The following LIFR variants were observed in gnomAD, a reference collection of about 807,000 sequenced individuals.
LIFR encodes the protein LIF receptor subunit alpha.
LIFR carries 84 observed loss-of-function variants against 122.2 expected under a neutral mutation model. That is an observed-to-expected ratio of 0.69 (90% CI 0.58 to 0.82). The LOEUF is 0.82. Among genes scored for constraint, LIFR ranks in the 40% least tolerant of loss-of-function variants. The probability of loss-of-function intolerance (pLI) is 0.00; values close to 1 mark genes in which losing one functional copy is unlikely to be tolerated. For missense variants in LIFR, 1,294 were observed against 1,311.6 expected (o/e 0.99, Z 0.21); for synonymous variants, 422 against 434.7 (o/e 0.97, Z 0.36).
At position 38,578,425 on chromosome 5, in the gene LIFR, C is replaced by T. The variant is rs151206713; in HGVS notation, c.-20+16836G>A. 9.9e-3 allele frequency among the ~76,000 whole-genome samples: 1,502 copies of T among 151,218 alleles called. 107 individuals carry two copies. In the East Asian group the frequency reaches 0.19, roughly 20 times the overall value. ...TTCTCCATGTTGGTCAGGCTGGTCT[C>T]GAACTCCCAACTTCAGGTGACCCGC... On this transcript the variant is annotated intron_variant, in intron 1 of 19. Transcript: ENST00000263409.
Position 38,536,590 on chromosome 5 carries a change from T to A in LIFR, c.-19-5924A>T, listed in dbSNP as rs145493570. Among the ~76,000 whole-genome samples the A allele has an allele frequency of 4.3e-3, 662 of 152,376 alleles. 4 individuals carry two copies. Among genetic ancestry groups the A allele is most frequent in the Non-Finnish European group, 7.5e-3 (508 of 68,042 alleles). ...AATTATATTTTTCCTTTTAAGTGGA[T>A]ACACGTTATTTCTTCAAACTGCTAC... On this transcript the variant is annotated intron_variant, in intron 1 of 19. Coordinates refer to ENST00000453190, the MANE Select transcript of LIFR (RefSeq NM_001127671.2).
At chr5:38,495,869 G>A (rs1236457515) in intron 13 of LIFR, among the ~76,000 whole-genome samples, 1 of 152,036 alleles carries the variant, frequency 6.6e-6, no homozygotes, top group East Asian at 1.9e-4. Flanking sequence ...TTTTTCTAAG[G>A]CCTATATTGA....
rs1287071072 is a variant in LIFR at position 38,489,131 on chromosome 5, A to G, written c.2282T>C (p.Phe761Ser). The change falls in exon 16 of 20, where the codon TTT (phenylalanine) becomes TCT (serine). Residue 761 changes from phenylalanine to serine, a missense_variant. Phe to Ser is a radical substitution (Grantham distance 155). Transcript: ENST00000453190. ...ELRGFLRGYL[F>S]YFGKGERDTS... ...GTCTCTTTCTCCTTTTCCAAAGTAA[A>G]ACAAATATCCTCTTAAAAAGCCTCT... The G allele has an allele frequency of 5.0e-6, 8 of 1,613,092 alleles. No homozygotes were observed. Among genetic ancestry groups the G allele is most frequent in the Non-Finnish European group, 6.8e-6 (8 of 1,179,376 alleles).
chr5:38,491,928 TTTA>T (rs1300321583), intron 14 of LIFR, among the ~76,000 whole-genome samples: 2 of 152,202 alleles, frequency 1.3e-5, no homozygotes, highest in African/African-American at 4.8e-5. Flanking sequence ...GTTAAAATTA[TTTA>T]TTAACAATAT....
intron 14 of LIFR, among the ~76,000 whole-genome samples, chr5:38,492,432 G>A (rs548060822): frequency 3.9e-5 from 6 of 152,260 alleles, no homozygotes; most frequent in African/African-American, 1.2e-4. Context: ...GACTGGAATC[G>A]TGTAAGGCTC....
intron 5 of LIFR, among the ~76,000 whole-genome samples, chr5:38,514,340 C>T (rs1580083956): frequency 6.6e-6 from 1 of 152,226 alleles, no homozygotes; most frequent in Non-Finnish European, 1.5e-5. Context: ...AAAGATTGAT[C>T]CACACTAAGA....
chr5:38,490,124 T>C (rs999810816), intron 15 of LIFR, 66 bp downstream of exon 15: 14 of 631,016 alleles, frequency 2.2e-5, no homozygotes, highest in Admixed American at 7.4e-5. Flanking sequence ...AATCATACCA[T>C]TGTTGCCAAT....
At position 38,483,922 on chromosome 5, in the gene LIFR, T is replaced by C. The variant is rs556411169; in HGVS notation, c.2591+853A>G. ...AGCATGAATGCAGCCACTGGCTCCA[T>C]ACCCAGCCAGGACAGCTCTTGCCAG... On this transcript the variant is annotated intron_variant, in intron 18 of 19. Transcript: ENST00000453190. 4.7e-4 allele frequency among the ~76,000 whole-genome samples: 71 copies of C among 152,280 alleles called. 1 individual carries two copies. In the South Asian group the frequency reaches 0.014, roughly 29 times the overall value.
intron 7 of LIFR, among the ~76,000 whole-genome samples, chr5:38,509,717 A>T (rs892918818): frequency 2.6e-5 from 4 of 152,234 alleles, no homozygotes; most frequent in African/African-American, 9.7e-5. Context: ...GATAAAGATG[A>T]AGCTGTCAGT....
At position 38,497,596 on chromosome 5, in the gene LIFR, C is replaced by T. The variant is rs73749258; in HGVS notation, c.1672-1001G>A. Among the ~76,000 whole-genome samples, 408 of 152,198 alleles carry T rather than the reference C, an allele frequency of 2.7e-3. 2 individuals are homozygous for T. The highest frequency in any genetic ancestry group is 9.6e-3 in the African/African-American group (399 of 41,540). On this transcript the variant is annotated intron_variant, in intron 12 of 19. Transcript: ENST00000453190. ...ATTTTAAAGTATTACATGCCCACTA[C>T]AGAAAATTTGGAAAATATATAGAAG...
At chr5:38,535,452 A>G (rs544746920) in intron 1 of LIFR, among the ~76,000 whole-genome samples, 1 of 152,214 alleles carries the variant, frequency 6.6e-6, no homozygotes, top group South Asian at 2.1e-4. Flanking sequence ...GATTTTGTAA[A>G]TCTTCCTAGA....
At chr5:38,545,871 GAAAA>G (rs371497950) in intron 1 of LIFR, among the ~76,000 whole-genome samples, 1 of 87,728 alleles carries the variant, frequency 1.1e-5, no homozygotes, top group Non-Finnish European at 2.3e-5. Context: ...CAAAAAAAAA[GAAAA>G]AAAAAAAAAA....
chr5:38,543,014 C>T (rs1162303138), intron 1 of LIFR, among the ~76,000 whole-genome samples: 1 of 151,966 alleles, frequency 6.6e-6, no homozygotes, highest in Non-Finnish European at 1.5e-5. Context: ...ACAAGTGTCA[C>T]TATACTTAGG....
At chr5:38,504,415 C>CAAAAAAAAA (rs71604899) in intron 9 of LIFR, among the ~76,000 whole-genome samples, 4 of 120,436 alleles carry the variant, frequency 3.3e-5, no homozygotes, top group African/African-American at 6.3e-5. Flanking sequence ...AGGGAATGAC[C>CAAAAAAAAA]AAAAAAAAAA....
Position 38,481,905 on chromosome 5 carries a change from G to A in LIFR, c.2984C>T (p.Pro995Leu). The change falls in exon 20 of 20, where the codon CCT (proline) becomes CTT (leucine). Residue 995 changes from proline to leucine, a missense_variant. By Grantham distance (98) the Pro-to-Leu change is moderately conservative (BLOSUM62 -3). Coordinates refer to ENST00000453190, the MANE Select transcript of LIFR (RefSeq NM_001127671.2). ...AKPEEEQEND[P>L]VGGAGYKPQM... is the part of the protein sequence containing the mutation. ...TGGCTTATAGCCTGCCCCTCCTACA[G>A]GGTCATTTTCTTGTTCTTCTTCTGG... 2 of 1,614,144 alleles carry A rather than the reference G, an allele frequency of 1.2e-6. No individual in the cohort carries two copies. Among genetic ancestry groups the A allele is most frequent in the Non-Finnish European group, 1.7e-6 (2 of 1,180,024 alleles).
intron 1 of LIFR, among the ~76,000 whole-genome samples, chr5:38,543,668 G>A (rs1215713805): frequency 1.3e-5 from 2 of 152,210 alleles, no homozygotes; most frequent in Non-Finnish European, 2.9e-5. Context: ...GAAATAACCT[G>A]AATGTTCATC....
rs958485405 is a variant in LIFR, at chr5:38,485,950, G to C, written c.2366C>G (p.Thr789Ser). Reference sequence around the variant, plus strand: ...TCTCAGTGTCTTCTGGGATATGTCAGTAATATTCTTAACTTTTATGTCAGA... The same window carrying C: ...TCTCAGTGTCTTCTGGGATATGTCACTAATATTCTTAACTTTTATGTCAGA... ...GRSDIKVKNI[T>S]DISQKTLRIA... is the part of the protein sequence containing the mutation. Residue 789 changes from threonine to serine, a missense_variant, in exon 17 of 20, where the codon ACT becomes AGT. Coordinates refer to ENST00000453190, the MANE Select transcript of LIFR (RefSeq NM_001127671.2). The C allele has an allele frequency of 1.9e-6, 3 of 1,613,454 alleles. No individual in the cohort carries two copies. Among genetic ancestry groups the C allele is most frequent in the Non-Finnish European group, 2.5e-6 (3 of 1,179,462 alleles).
At chr5:38,597,638 C>A (rs770775523), upstream of LIFR, among the ~76,000 whole-genome samples, 1 of 152,180 alleles carries the variant, frequency 6.6e-6, no homozygotes, top group Non-Finnish European at 1.5e-5. Context: ...CAGTATCCTA[C>A]AATGCACAGG....
rs768547048 is a variant in LIFR, at chr5:38,481,781, T to C, written c.3108A>G (p.Thr1036=). Residue 1036 remains threonine, a synonymous_variant, in exon 20 of 20, where the codon ACA becomes ACG. Transcript: ENST00000453190. ...AGYRPQANVN[T]WNLVSPDSPR... is the part of the protein sequence containing the mutation. ...GAGAGTCTGGAGACACTAAATTCCA[T>C]GTATTTACATTGGCCTGAGGTCTGT... 6.8e-6 allele frequency: 11 copies of C among 1,613,984 alleles called. No homozygotes were observed. Among genetic ancestry groups the C allele is most frequent in the South Asian group, 4.4e-5 (4 of 91,082 alleles).
Sources: allele counts gnomAD v4.1 joint callset (sites outside exome capture counted in the v4.1 genomes callset), GRCh38; gene constraint gnomAD v4.1.1; transcripts MANE v1.5; gene names NCBI Gene and HGNC (gene_info 2026-07-23, HGNC 2026-07-21).